Variants in IGF2BP2 observed in about 807,000 individuals in gnomAD.
The protein encoded by IGF2BP2 is insulin-like growth factor 2 mRNA-binding protein 2.
A neutral mutation model predicts 75.8 loss-of-function variants in IGF2BP2; 17 were observed. The ratio of observed to expected loss-of-function variants is 0.22; its 90% confidence interval spans 0.15 to 0.34. The LOEUF is 0.34. Among genes scored for constraint, IGF2BP2 ranks in the 10% least tolerant of loss-of-function variants. The pLI is 1.00. For missense variants in IGF2BP2, 516 were observed against 772.4 expected, an observed-to-expected ratio of 0.67 and a Z score of 3.93; for synonymous variants, 288 against 295.6, an observed-to-expected ratio of 0.97 and a Z score of 0.26.
intron 2 of IGF2BP2, among the ~76,000 whole-genome samples, chr3:185,785,169 C>T (rs542246918): frequency 3.3e-5 from 5 of 151,844 alleles, no homozygotes; most frequent in South Asian, 2.1e-4. Flanking sequence ...GGTATGGTGA[C>T]GCACACCTGT....
intron 2 of IGF2BP2, among the ~76,000 whole-genome samples, chr3:185,787,634 G>A (rs1183001685): frequency 6.6e-6 from 1 of 152,042 alleles, no homozygotes; most frequent in Non-Finnish European, 1.5e-5. Context: ...TCAGGAGGCC[G>A]TGGCCCGAGA....
chr3:185,758,644 C>T (rs114755839), intron 2 of IGF2BP2, among the ~76,000 whole-genome samples: 24 of 152,338 alleles, frequency 1.6e-4, no homozygotes, highest in Non-Finnish European at 2.9e-4. Context: ...TCCAGCAAGA[C>T]AATCTCAAGG....
At chr3:185,740,479 C>A (rs1729400152) in intron 2 of IGF2BP2, among the ~76,000 whole-genome samples, 2 of 152,240 alleles carry the variant, frequency 1.3e-5, no homozygotes, top group South Asian at 2.1e-4. Flanking sequence ...CAGAACTAGC[C>A]AAGAGTATCA....
intron 2 of IGF2BP2, among the ~76,000 whole-genome samples, chr3:185,775,400 G>A (rs181004754): frequency 5.3e-5 from 8 of 152,268 alleles, no homozygotes; most frequent in African/African-American, 1.7e-4. Flanking sequence ...CTCAGAAGCC[G>A]CAATCTGGAC....
chr3:185,735,917 A>C (rs1162224637), intron 2 of IGF2BP2, among the ~76,000 whole-genome samples: 1 of 152,192 alleles, frequency 6.6e-6, no homozygotes, highest in Non-Finnish European at 1.5e-5. Flanking sequence ...AGACCACAGA[A>C]AACGGGGGAG....
intron 2 of IGF2BP2, among the ~76,000 whole-genome samples, chr3:185,813,520 G>A (rs866114941): frequency 2.0e-5 from 3 of 152,290 alleles, no homozygotes; most frequent in Middle Eastern, 6.8e-3. Flanking sequence ...AGACAGGCCA[G>A]ATTATTTATG....
chr3:185,649,324 G>T, intron 14 of IGF2BP2, 79 bp downstream of exon 14: 1 of 1,565,460 alleles, frequency 6.4e-7, no homozygotes, highest in Non-Finnish European at 8.7e-7. Context: ...AAGGCGCCAA[G>T]GGGAGACTGA....
rs11294125 is a variant in IGF2BP2, at chr3:185,727,217, CAA to C, written c.240-28872_240-28871del. 6.5e-3 allele frequency among the ~76,000 whole-genome samples: 693 copies of C among 106,190 alleles called. 3 individuals are homozygous for C. The highest frequency in any genetic ancestry group is 0.019 in the African/African-American group (578 of 30,218). The allele number at this position is 106,190 out of a possible 152,430, so 69.7% of individuals were successfully genotyped here. ...TGGGCGACAGAGAGAGACTCCGTCT[CAA>C]AAAAAAAAAAAAAAAGTAAAAGAAA... On this transcript the variant is annotated intron_variant, in intron 2 of 15. Transcript: ENST00000382199.
At chr3:185,694,399 C>T (rs938441160) in intron 4 of IGF2BP2, among the ~76,000 whole-genome samples, 1 of 152,196 alleles carries the variant, frequency 6.6e-6, no homozygotes, top group African/African-American at 2.4e-5. Flanking sequence ...TAGTCATATG[C>T]TCTGTTCTTC....
At chr3:185,708,511 G>T (rs1364165114) in intron 2 of IGF2BP2, among the ~76,000 whole-genome samples, 1 of 152,038 alleles carries the variant, frequency 6.6e-6, no homozygotes, top group African/African-American at 2.4e-5. Flanking sequence ...CCTTTAGAGG[G>T]GTGATAAAGG....
chr3:185,649,213 C>T (rs1305543079), intron 14 of IGF2BP2, among the ~76,000 whole-genome samples, 190 bp downstream of exon 14: 4 of 151,824 alleles, frequency 2.6e-5, no homozygotes, highest in Non-Finnish European at 5.9e-5. Context: ...GGAGTGAAGC[C>T]GATGACATTT....
intron 10 of IGF2BP2, among the ~76,000 whole-genome samples, chr3:185,661,346 G>A (rs1560242666): frequency 6.6e-6 from 1 of 152,036 alleles, no homozygotes; most frequent in Non-Finnish European, 1.5e-5. Context: ...TCATTCAAAA[G>A]GCATTTGAGG....
chr3:185,698,369 CTA>C, intron 2 of IGF2BP2, 22 bp from the exon 3 acceptor site: 4 of 1,609,730 alleles, frequency 2.5e-6, no homozygotes, highest in Non-Finnish European at 3.4e-6. Context: ...AAACCACAGA[CTA>C]TAACACTTTC....
At chr3:185,823,352 G>T in intron 1 of IGF2BP2, 139 bp from the exon 2 acceptor site, 1 of 527,502 alleles carries the variant, frequency 1.9e-6, no homozygotes, top group Admixed American at 4.0e-5. Context: ...ATCGAGCTGG[G>T]CGAACTTGGT....
chr3:185,700,534 C>T (rs1487222171), intron 2 of IGF2BP2, among the ~76,000 whole-genome samples: 1 of 152,174 alleles, frequency 6.6e-6, no homozygotes, highest in Admixed American at 6.5e-5. Flanking sequence ...CTGCCAGCAC[C>T]ATCCCATACA....
chr3:185,669,575 G>A (rs55758773), intron 10 of IGF2BP2, among the ~76,000 whole-genome samples: 20,422 of 123,344 alleles, frequency 0.17, 1,622 homozygotes, highest in African/African-American at 0.24. Flanking sequence ...AAAAAAAAAA[G>A]GGGGGGGGGT....
rs556639525 is a variant in IGF2BP2, at chr3:185,820,598, T to C, written c.239+2555A>G. Among the ~76,000 whole-genome samples, 58 of 152,278 alleles carry C rather than the reference T, an allele frequency of 3.8e-4. 1 individual carries two copies. The Middle Eastern group carries it at 0.041, about 107-fold the overall frequency. On this transcript the variant is annotated intron_variant, in intron 2 of 15. Transcript: ENST00000382199. ...GTGACCCTGAGAAAATAATGGCATC[T>C]AGTCTATTATGCTATTATAAAATGA...
intron 7 of IGF2BP2, among the ~76,000 whole-genome samples, chr3:185,677,068 T>TATATATATATATATATATATAGAGAGAG: frequency 8.4e-5 from 3 of 35,860 alleles, no homozygotes; most frequent in Non-Finnish European, 1.4e-4. Context: ...TATATATATA[T>TATATATATATATATATATATAGAGAGAG]AGAGAGAGAG....
At chr3:185,758,490 G>T (rs1731927779) in intron 2 of IGF2BP2, among the ~76,000 whole-genome samples, 1 of 152,188 alleles carries the variant, frequency 6.6e-6, no homozygotes, top group Admixed American at 6.5e-5. Flanking sequence ...TTTGCTTTGA[G>T]GATTAAATGA....
Sources: allele counts gnomAD v4.1 joint callset (sites outside exome capture counted in the v4.1 genomes callset), GRCh38; gene constraint gnomAD v4.1.1; transcripts MANE v1.5; gene names NCBI Gene and HGNC (gene_info 2026-07-23, HGNC 2026-07-21).